CBLB: variants seen among roughly 807,000 people sequenced by gnomAD.
CBLB encodes Cbl proto-oncogene B, also known as E3 ubiquitin-protein ligase CBL-B.
In CBLB, 31 loss-of-function variants were observed where a neutral mutation model predicts 104.9. That is an observed-to-expected ratio of 0.30 (90% CI 0.22 to 0.40). The LOEUF is 0.40. CBLB is among the 10% of genes least tolerant of loss of function. The pLI, the probability that CBLB is intolerant of heterozygous loss-of-function variation, is 1.00. For missense variants in CBLB, 1,062 were observed against 1,214.6 expected (o/e 0.87, Z 1.87); for synonymous variants, 440 against 422.6 (o/e 1.04, Z -0.51).
intron 3 of CBLB, among the ~76,000 whole-genome samples, chr3:105,820,226 G>A (rs1030787936): frequency 1.3e-5 from 2 of 152,170 alleles, no homozygotes; most frequent in Admixed American, 6.5e-5. Flanking sequence ...CCACTGAGCT[G>A]ACAGGAGGCG....
intron 3 of CBLB, among the ~76,000 whole-genome samples, chr3:105,826,574 T>G (rs2086613007): frequency 6.6e-6 from 1 of 152,214 alleles, no homozygotes; most frequent in South Asian, 2.1e-4. Context: ...TCCATTATTT[T>G]GCCCCCAACT....
chr3:105,791,911 C>A (rs1436421917), intron 3 of CBLB, among the ~76,000 whole-genome samples: 2 of 152,058 alleles, frequency 1.3e-5, no homozygotes, highest in Non-Finnish European at 1.5e-5. Context: ...ATATATGCCA[C>A]AAGGAATAAT....
intron 3 of CBLB, among the ~76,000 whole-genome samples, chr3:105,843,916 G>C (rs967260426): frequency 5.3e-5 from 8 of 152,118 alleles, no homozygotes; most frequent in Non-Finnish European, 8.8e-5. Flanking sequence ...GGACTGAATG[G>C]TGTCCCCTAA....
intron 4 of CBLB, 124 bp from the exon 5 acceptor site, chr3:105,751,742 T>G: frequency 1.3e-6 from 1 of 758,722 alleles, no homozygotes; most frequent in Non-Finnish European, 2.3e-6. Context: ...CAGACAAATA[T>G]TTGAGAATAT....
rs2070754334 is a variant in CBLB, at chr3:105,709,620, T to C, written c.1408-5447A>G. On this transcript the variant is annotated intron_variant, in intron 10 of 18. Coordinates refer to ENST00000394030, the MANE Select transcript of CBLB (RefSeq NM_170662.5). ...CATGAATATAATTTTAAAGTATGCA[T>C]ATATGGATTTACAAAACCATTCCTG... Among the ~76,000 whole-genome samples the C allele has an allele frequency of 2.6e-5, 4 of 151,964 alleles. 1 individual carries two copies. Among genetic ancestry groups the C allele is most frequent in the South Asian group, 4.1e-4 (2 of 4,834 alleles).
At chr3:105,759,614 C>G (rs901354031) in intron 4 of CBLB, among the ~76,000 whole-genome samples, 1 of 152,194 alleles carries the variant, frequency 6.6e-6, no homozygotes, top group Non-Finnish European at 1.5e-5. Context: ...GTCAGCGCCA[C>G]CCTGAGTGTG....
chr3:105,743,370 G>A (rs547062829), intron 6 of CBLB, among the ~76,000 whole-genome samples: 1 of 150,536 alleles, frequency 6.6e-6, no homozygotes, highest in Non-Finnish European at 1.5e-5. Context: ...TGAGGCATGA[G>A]AATCGTTTGA....
chr3:105,868,694 C>G (rs1383501339), intron 1 of CBLB, 42 bp downstream of exon 1: 1 of 999,800 alleles, frequency 1.0e-6, no homozygotes, highest in African/African-American at 1.7e-5. Context: ...CCCGGGCCGG[C>G]AAGAAGTGTG....
chr3:105,719,842 G>C (rs1162256527), intron 10 of CBLB, among the ~76,000 whole-genome samples: 1 of 152,132 alleles, frequency 6.6e-6, no homozygotes. Flanking sequence ...GTGTGTTACT[G>C]CCCCTGAAGA....
rs16851428 is a variant in CBLB, at chr3:105,680,164, A to T, written c.2428+1315T>A. Among the ~76,000 whole-genome samples, 935 of 152,312 alleles carry T rather than the reference A, an allele frequency of 6.1e-3. 30 individuals are homozygous for T. Among genetic ancestry groups the T allele is most frequent in the East Asian group, 0.05 (261 of 5,182 alleles). On this transcript the variant is annotated intron_variant, in intron 16 of 18. Coordinates refer to ENST00000394030, the MANE Select transcript of CBLB (RefSeq NM_170662.5). The stretch of plus-strand genomic sequence containing the variant: ...AATGTAGACAAGTGGTATTCAGTGA[A>T]GTGTTGAAGAACAGGAAGTCCTGGG...
intron 4 of CBLB, among the ~76,000 whole-genome samples, chr3:105,771,706 G>A (rs532457784): frequency 6.6e-6 from 1 of 152,150 alleles, no homozygotes; most frequent in South Asian, 2.1e-4. Flanking sequence ...CAAAATCAAT[G>A]TACACAAATC....
chr3:105,690,459 G>T (rs747236657), intron 13 of CBLB, among the ~76,000 whole-genome samples: 12 of 152,098 alleles, frequency 7.9e-5, no homozygotes, highest in Non-Finnish European at 1.5e-4. Context: ...AAGGATTTTG[G>T]AGATAATTTA....
chr3:105,685,419 G>A lies in CBLB; in HGVS notation c.2102C>T (p.Pro701Leu). 6.2e-7 allele frequency: 1 copy of A among 1,612,544 alleles called. No individual in the cohort carries two copies. Among genetic ancestry groups the A allele is most frequent in the Non-Finnish European group, 8.5e-7 (1 of 1,178,660 alleles). ...ANSLSEKTRD[P>L]VEEDDDEYKI... ...GTATTCATCATCATCTTCCTCTACT[G>A]GGTCTCTTGTTTTCTCTGAAAGAGA... is the stretch of plus-strand genomic sequence containing the variant. Residue 701 changes from proline (P) to leucine (L), a missense_variant, in exon 14 of 19, where the codon CCA (proline) becomes CTA (leucine). Transcript: ENST00000394030.
At chr3:105,682,160 T>G (rs1018332329) in intron 14 of CBLB, 1 of 250,626 alleles carries the variant, frequency 4.0e-6, no homozygotes, top group Non-Finnish European at 7.7e-6. Flanking sequence ...AAAAGATGTA[T>G]GTGCCAAGGC....
At chr3:105,665,573 T>C (rs995994414) in intron 18 of CBLB, among the ~76,000 whole-genome samples, 1 of 147,200 alleles carries the variant, frequency 6.8e-6, no homozygotes, top group African/African-American at 2.5e-5. Context: ...TATACCATAT[T>C]ATATAACCAT....
chr3:105,677,813 A>G (rs534031810), intron 17 of CBLB, among the ~76,000 whole-genome samples: 19 of 148,858 alleles, frequency 1.3e-4, no homozygotes, highest in Non-Finnish European at 2.4e-4. Flanking sequence ...ATAATATTAT[A>G]TAATATATAC....
intron 3 of CBLB, among the ~76,000 whole-genome samples, chr3:105,833,188 T>A (rs995615581): frequency 9.9e-5 from 15 of 152,252 alleles, no homozygotes; most frequent in Admixed American, 2.0e-4. Context: ...TTTGTCTTAT[T>A]ACTTCTCTAG....
intron 10 of CBLB, among the ~76,000 whole-genome samples, chr3:105,714,410 G>C (rs1023174901): frequency 2.6e-5 from 4 of 152,062 alleles, no homozygotes; most frequent in Non-Finnish European, 5.9e-5. Flanking sequence ...CCATAATTTA[G>C]AATCAGTGGG....
chr3:105,805,690 G>C (rs1371131272), intron 3 of CBLB, among the ~76,000 whole-genome samples: 1 of 152,068 alleles, frequency 6.6e-6, no homozygotes, highest in Non-Finnish European at 1.5e-5. Context: ...TACGGCTTCA[G>C]GCTGCAAGAG....
Sources: allele counts gnomAD v4.1 joint callset (sites outside exome capture counted in the v4.1 genomes callset), GRCh38; gene constraint gnomAD v4.1.1; transcripts MANE v1.5; gene names NCBI Gene and HGNC (gene_info 2026-07-23, HGNC 2026-07-21).